APBB2: variants seen among roughly 807,000 people sequenced by gnomAD.
APBB2 encodes amyloid beta precursor protein binding family B member 2.
A neutral mutation model predicts 82.5 loss-of-function variants in APBB2; 38 were observed. The ratio of observed to expected loss-of-function variants is 0.46; its 90% CI spans 0.36 to 0.60. The LOEUF is 0.60. Ranked by LOEUF, APBB2 falls within the 20% of genes least tolerant of loss-of-function variation. The pLI is 0.00. For synonymous variants in APBB2, 341 were observed against 368.2 expected (o/e 0.93, Z 0.85); for missense variants, 772 against 972.3 (o/e 0.79, Z 2.74).
intron 10 of APBB2, among the ~76,000 whole-genome samples, chr4:40,931,371 C>G (rs540469628): frequency 1.3e-5 from 2 of 152,176 alleles, no homozygotes; most frequent in Non-Finnish European, 2.9e-5. Flanking sequence ...CTTTACCTCC[C>G]AGGCTCCTCC....
chr4:41,137,177 C>G (rs923247980), intron 2 of APBB2, among the ~76,000 whole-genome samples: 1 of 152,104 alleles, frequency 6.6e-6, no homozygotes, highest in Non-Finnish European at 1.5e-5. Flanking sequence ...CATAGGTTTT[C>G]TATTTAGTAA....
At chr4:40,865,371 T>C (rs1054422495) in intron 12 of APBB2, among the ~76,000 whole-genome samples, 1 of 152,184 alleles carries the variant, frequency 6.6e-6, no homozygotes, top group Non-Finnish European at 1.5e-5. Flanking sequence ...CTGAAACAGA[T>C]ACTAAACCCA....
At chr4:40,862,223 G>T (rs975586402) in intron 12 of APBB2, among the ~76,000 whole-genome samples, 1 of 152,158 alleles carries the variant, frequency 6.6e-6, no homozygotes, top group South Asian at 2.1e-4. Context: ...AGGACTGTTA[G>T]GACAATGTTC....
At chr4:41,139,638 G>A (rs1758530673) in intron 2 of APBB2, among the ~76,000 whole-genome samples, 1 of 152,080 alleles carries the variant, frequency 6.6e-6, no homozygotes, top group Non-Finnish European at 1.5e-5. Context: ...AAACTTAAAC[G>A]CACATTGGTA....
At chr4:40,886,037 T>C (rs1174987395) in intron 12 of APBB2, among the ~76,000 whole-genome samples, 1 of 152,200 alleles carries the variant, frequency 6.6e-6, no homozygotes, top group Non-Finnish European at 1.5e-5. Flanking sequence ...ATATCCATTT[T>C]CCTTTCTTGT....
intron 10 of APBB2, among the ~76,000 whole-genome samples, chr4:40,927,581 G>A (rs62410336): frequency 2.0e-4 from 30 of 152,032 alleles, no homozygotes; most frequent in Non-Finnish European, 2.9e-4. Flanking sequence ...CCTTGGGCTC[G>A]AGTGATCTTC....
intron 12 of APBB2, among the ~76,000 whole-genome samples, chr4:40,850,973 C>T (rs1417520003): frequency 2.0e-5 from 3 of 152,064 alleles, no homozygotes; most frequent in Non-Finnish European, 4.4e-5. Flanking sequence ...TTAAAACTGG[C>T]CTTTTACAGG....
At position 40,973,310 on chromosome 4, in the gene APBB2, T is replaced by C. The variant is rs1482767967; in HGVS notation, c.836-28237A>G. Reference sequence around the variant, plus strand: ...CATGGCACAAGTTAGCCTGGACTAGTCAGGCCATCTTCTCAAATTCACAGG... The same window carrying C: ...CATGGCACAAGTTAGCCTGGACTAGCCAGGCCATCTTCTCAAATTCACAGG... On this transcript the variant is annotated intron_variant, in intron 6 of 17. Coordinates refer to ENST00000508593, the MANE Select transcript of APBB2 (RefSeq NM_004307.2). Among the ~76,000 whole-genome samples, 25 of 152,196 alleles carry C rather than the reference T, an allele frequency of 1.6e-4. 1 individual carries two copies. Among genetic ancestry groups the C allele is most frequent in the Admixed American group, 1.6e-3 (25 of 15,284 alleles).
At chr4:41,034,092 A>G (rs1718167299) in intron 4 of APBB2, among the ~76,000 whole-genome samples, 1 of 152,232 alleles carries the variant, frequency 6.6e-6, no homozygotes, top group Admixed American at 6.5e-5. Context: ...CAAATATCTG[A>G]GCAAGTTTTG....
intron 1 of APBB2, among the ~76,000 whole-genome samples, chr4:41,170,442 T>A (rs749209258): frequency 6.6e-6 from 1 of 152,186 alleles, no homozygotes; most frequent in African/African-American, 2.4e-5. Context: ...AGAAGGGTGA[T>A]ATGCTCTGAG....
At chr4:40,929,796 C>T (rs1036989375) in intron 10 of APBB2, among the ~76,000 whole-genome samples, 2 of 152,096 alleles carry the variant, frequency 1.3e-5, no homozygotes, top group Admixed American at 1.3e-4. Context: ...GCAATAAAAC[C>T]GATAGCCTTT....
At chr4:40,905,166 C>T (rs1776374655) in intron 10 of APBB2, among the ~76,000 whole-genome samples, 1 of 152,122 alleles carries the variant, frequency 6.6e-6, no homozygotes, top group African/African-American at 2.4e-5. Flanking sequence ...AAGGGTTGAT[C>T]CATAATTGAA....
chr4:41,198,235 G>A, intron 1 of APBB2, among the ~76,000 whole-genome samples: 1 of 152,148 alleles, frequency 6.6e-6, no homozygotes, highest in African/African-American at 2.4e-5. Context: ...GCTACCACAA[G>A]GAACATGTCC....
intron 15 of APBB2, among the ~76,000 whole-genome samples, chr4:40,824,221 G>A (rs1263266979): frequency 2.0e-5 from 3 of 152,094 alleles, no homozygotes; most frequent in African/African-American, 7.2e-5. Flanking sequence ...AGAGTCAGGA[G>A]AAGCTCCGGG....
intron 6 of APBB2, among the ~76,000 whole-genome samples, chr4:40,960,937 T>C (rs558635798): frequency 2.7e-5 from 4 of 149,848 alleles, no homozygotes; most frequent in Middle Eastern, 3.4e-3. Flanking sequence ...AAGGACTGTA[T>C]GGCAATTTCC....
intron 3 of APBB2, among the ~76,000 whole-genome samples, chr4:41,082,834 T>C (rs1021510427): frequency 5.3e-5 from 8 of 152,300 alleles, no homozygotes; most frequent in Non-Finnish European, 1.0e-4. Flanking sequence ...AGTTTTATTA[T>C]GGTCATACAC....
chr4:41,093,757 G>A (rs1409555015), intron 3 of APBB2, among the ~76,000 whole-genome samples: 2 of 152,132 alleles, frequency 1.3e-5, no homozygotes, highest in African/African-American at 4.8e-5. Flanking sequence ...GGGAGCCTGA[G>A]GCGGAAGAAT....
At chr4:41,097,814 A>C (rs1744065781) in intron 3 of APBB2, among the ~76,000 whole-genome samples, 1 of 152,204 alleles carries the variant, frequency 6.6e-6, no homozygotes, top group Non-Finnish European at 1.5e-5. Flanking sequence ...ACATGCAATT[A>C]AGAAAAAAGT....
intron 1 of APBB2, among the ~76,000 whole-genome samples, chr4:41,155,894 T>G (rs1198569302): frequency 6.6e-6 from 1 of 152,198 alleles, no homozygotes; most frequent in Non-Finnish European, 1.5e-5. Flanking sequence ...AGAAATCTAT[T>G]TAACCATAAA....
Sources: allele counts gnomAD v4.1 joint callset (sites outside exome capture counted in the v4.1 genomes callset), GRCh38; gene constraint gnomAD v4.1.1; transcripts MANE v1.5; gene names NCBI Gene and HGNC (gene_info 2026-07-23, HGNC 2026-07-21).